Variants in MFAP4 observed in about 807,000 individuals in gnomAD.
The protein encoded by MFAP4 is microfibril associated protein 4.
In MFAP4, 20 loss-of-function variants were observed where a neutral mutation model predicts 32.4. The ratio of observed to expected loss-of-function variants is 0.62; its 90% CI spans 0.43 to 0.90. MFAP4 has a LOEUF of 0.90. MFAP4 is among the 40% of genes least tolerant of loss of function. The probability of loss-of-function intolerance (pLI) is 0.00; values close to 1 mark genes in which losing one functional copy is unlikely to be tolerated. For synonymous variants in MFAP4, 146 were observed against 137.4 expected, an observed-to-expected ratio of 1.06 and a Z score of -0.44; for missense variants, 267 against 329.5, an observed-to-expected ratio of 0.81 and a Z score of 1.47.
At chr17:19,386,972 T>TGGCTGGGCCCCCCCCCCCCC in intron 1 of MFAP4, 134 bp from the exon 2 acceptor site, 1 of 937,014 alleles carries the variant, frequency 1.1e-6, no homozygotes, top group Non-Finnish European at 1.7e-6. Flanking sequence ...TGGCCCCTCT[T>TGGCTGGGCCCCCCCCCCCCC]CCCTGCCCCC....
In MFAP4 at chr17:19,384,407, C is replaced by T; in HGVS notation, c.*55G>A. The T allele has an allele frequency of 1.3e-6, 2 of 1,535,166 alleles. No homozygotes were observed. Among genetic ancestry groups the T allele is most frequent in the Non-Finnish European group, 1.8e-6 (2 of 1,136,850 alleles). ...TGCATCAGGGGCAGCAGAGGGAGCA[C>T]TCATGGAGACCATGGGTGTCCAGGG... On this transcript the variant is annotated 3_prime_UTR_variant, in exon 6 of 6. Transcript: ENST00000299610.
At position 19,385,142 on chromosome 17, in the gene MFAP4, A is replaced by G. The variant is rs1567926213; in HGVS notation, c.477T>C (p.Asp159=). The G allele has an allele frequency of 1.2e-6, 2 of 1,614,242 alleles. No homozygotes were observed. The highest frequency in any genetic ancestry group is 3.3e-5 in the Admixed American group (2 of 60,036). Residue 159 remains aspartate, a synonymous_variant, in exon 5 of 6, where the codon GAT becomes GAC. Transcript: ENST00000299610. The stretch of plus-strand genomic sequence containing the variant: ...AGCCTGCCACAAAGAGGGTGTAGCC[A>G]TCCTCCTCTGCGCTGACCGCGTTCG... The part of the protein sequence containing the change: ...ISPNAVSAEE[D]GYTLFVAGFE...
intron 1 of MFAP4, 145 bp from the exon 2 acceptor site, chr17:19,386,983 C>CCCCCCCCCCCCCCCCCCAA: frequency 1.1e-6 from 1 of 889,774 alleles, no homozygotes; most frequent in Non-Finnish European, 1.8e-6. Flanking sequence ...CCCTGCCCCC[C>CCCCCCCCCCCCCCCCCCAA]CACCCCGCCC....
Position 19,386,832 on chromosome 17 carries a change from G to C in MFAP4, c.13C>G (p.Leu5Val). The change falls in exon 2 of 6, where the codon CTG becomes GTG. Residue 5 changes from leucine to valine, a missense_variant. Leu to Val is a conservative substitution (Grantham distance 32). Transcript: ENST00000299610. ...AGAAGCAGCAGCAGCGGCAGGGCCA[G>C]GAGTGCCTGGCGATGGGCAGACAGG... MKAL[L>V]ALPLLLLLST... The C allele has an allele frequency of 6.4e-7, 1 of 1,561,350 alleles. No individual in the cohort carries two copies. Among genetic ancestry groups the C allele is most frequent in the Non-Finnish European group, 8.7e-7 (1 of 1,152,956 alleles).
chr17:19,386,953 CCTG>C (rs1913061807), intron 1 of MFAP4, 115 bp from the exon 2 acceptor site: 1 of 1,424,730 alleles, frequency 7.0e-7, no homozygotes, highest in African/African-American at 1.4e-5. Context: ...GAATCCCTCT[CCTG>C]CTATTTGGCC....
intron 3 of MFAP4, 45 bp downstream of exon 3, chr17:19,386,265 T>C: frequency 6.7e-7 from 1 of 1,494,956 alleles, no homozygotes; most frequent in Non-Finnish European, 8.9e-7. Context: ...GTCACAGGGC[T>C]GGGATTAGAA....
chr17:19,386,224 G>T, intron 3 of MFAP4, 86 bp downstream of exon 3: 1 of 1,259,602 alleles, frequency 7.9e-7, no homozygotes, highest in Admixed American at 2.8e-5. Context: ...TAAAGATGAA[G>T]AAACTGAGGT....
rs549385911 is a variant in MFAP4 at position 19,386,572 on chromosome 17, A to G, written c.86-108T>C. On this transcript the variant is annotated intron_variant, in intron 2 of 5. Coordinates refer to ENST00000299610, the MANE Select transcript of MFAP4 (RefSeq NM_002404.3). ...CCCTGGGGCTGGGGGACTTTGACAC[A>G]AGGAGTCATGGAAGATTTCTTCAAG... 2.2e-6 allele frequency: 3 copies of G among 1,349,714 alleles called. No homozygotes were observed. In the South Asian group the frequency reaches 3.9e-5, roughly 18 times the overall value. The allele number at this position is 1,349,714 out of a possible 1,614,324, so 83.6% of individuals were successfully genotyped here. A position where few individuals can be genotyped will look rare whatever the true frequency, so the allele number is the denominator to read the frequency against.
intron 1 of MFAP4, 134 bp from the exon 2 acceptor site, chr17:19,386,972 T>TGCCGGGGGCCCCCCCCC: frequency 7.5e-6 from 7 of 937,002 alleles, no homozygotes; most frequent in Non-Finnish European, 1.2e-5. Flanking sequence ...TGGCCCCTCT[T>TGCCGGGGGCCCCCCCCC]CCCTGCCCCC....
At position 19,384,348 on chromosome 17, in the gene MFAP4, G is replaced by T; in HGVS notation, c.*114C>A. 7.7e-7 allele frequency: 1 copy of T among 1,300,200 alleles called. No individual in the cohort carries two copies. Among genetic ancestry groups the T allele is most frequent in the Non-Finnish European group, 1.0e-6 (1 of 956,864 alleles). 80.5% of individuals were successfully genotyped at this position (1,300,200 alleles called of 1,614,324 possible). On this transcript the variant is annotated 3_prime_UTR_variant, in exon 6 of 6. Coordinates refer to ENST00000299610, the MANE Select transcript of MFAP4 (RefSeq NM_002404.3). ...TGGCTGAGAGCCACAAGGCCCCCTTGTAAGGAGTTGGTGCTCGGGAATCAG... is the reference window on the plus strand; with the variant it reads ...TGGCTGAGAGCCACAAGGCCCCCTTTTAAGGAGTTGGTGCTCGGGAATCAG...
Position 19,386,752 on chromosome 17 carries a change from C to G in MFAP4, c.85+8G>C. 6.4e-7 allele frequency: 1 copy of G among 1,566,900 alleles called. No homozygotes were observed. Among genetic ancestry groups the G allele is most frequent in the Non-Finnish European group, 8.7e-7 (1 of 1,155,748 alleles). On this transcript the variant is annotated splice_region_variant and intron_variant, in intron 2 of 5. Transcript: ENST00000299610. ...CCAGGCCGCGTCTGTGAGTGTGGGG[C>G]TGCTTACCATCTCCTCGGATCCCGG...
rs1912982737 is a variant in MFAP4 at position 19,385,180 on chromosome 17, A to G, written c.439T>C (p.Phe147Leu). The G allele has an allele frequency of 6.2e-7, 1 of 1,614,168 alleles. No homozygotes were observed. The highest frequency in any genetic ancestry group is 1.3e-5 in the African/African-American group (1 of 74,966). The change falls in exon 5 of 6, where the codon TTC (phenylalanine) becomes CTC (leucine). Residue 147 changes from phenylalanine (F) to leucine (L), a missense_variant. Physicochemically the swap from Phe to Leu is conservative, Grantham distance 22. Transcript: ENST00000299610. The part of the protein sequence containing the change: ...NNTAYAKYAD[F>L]SISPNAVSAE... ...CTGACCGCGTTCGGGGAGATGGAGA[A>G]GTCAGCGTACTTGGCATAGGCCGTG...
chr17:19,385,992 G>A (rs1315083543), intron 3 of MFAP4, among the ~76,000 whole-genome samples: 1 of 152,198 alleles, frequency 6.6e-6, no homozygotes, highest in Non-Finnish European at 1.5e-5. Flanking sequence ...GGTGGCACAT[G>A]CCTGTAATCC....
rs1452703443 is a variant in MFAP4 at position 19,387,170 on chromosome 17, T to TG, written c.-16_-15insC. ...CGTACCTTCATGCTGTCAGTTCTGCTCAGAGTGGCTGGGTGTCTGCGGCCC... is the reference window on the plus strand; with the variant it reads ...CGTACCTTCATGCTGTCAGTTCTGCTGCAGAGTGGCTGGGTGTCTGCGGCCC... On this transcript the variant is annotated 5_prime_UTR_variant, in exon 1 of 6. Transcript: ENST00000299610. 2.3e-5 allele frequency: 36 copies of TG among 1,575,528 alleles called. No homozygotes were observed. Among genetic ancestry groups the TG allele is most frequent in the Non-Finnish European group, 2.9e-5 (33 of 1,147,208 alleles).
rs1177378998 is a variant in MFAP4 at position 19,385,277 on chromosome 17, CA to C, written c.341del (p.Leu114ArgfsTer7). On this transcript the variant is annotated frameshift_variant, in exon 5 of 6. Transcript: ENST00000299610. LOFTEE classifies it high-confidence loss of function. ...GRADGEYWLGLQNMHLLTLKQ... is the reference protein window; with the variant it reads ...GRADGEYWLGXQNMHLLTLKQ... ...TCAGTGTCAGGAGGTGCATGTTCTGCAGCCCTGGGGAGGAGGGGCAGCTGGT... is the reference window on the plus strand; with the variant it reads ...TCAGTGTCAGGAGGTGCATGTTCTGCGCCCTGGGGAGGAGGGGCAGCTGGT... 1 of 1,614,248 alleles carries C rather than the reference CA, an allele frequency of 6.2e-7. No individual in the cohort carries two copies. Among genetic ancestry groups the C allele is most frequent in the South Asian group, 1.1e-5 (1 of 91,090 alleles).
At chr17:19,385,593 TG>T in intron 3 of MFAP4, 139 bp from the exon 4 acceptor site, 1 of 468,050 alleles carries the variant, frequency 2.1e-6, no homozygotes. Flanking sequence ...GGGAGGGTGG[TG>T]GGAGTGGGGT....
At chr17:19,384,977 T>G in intron 5 of MFAP4, 122 bp downstream of exon 5, 1 of 1,307,534 alleles carries the variant, frequency 7.6e-7, no homozygotes. Context: ...GAGCCAGCTG[T>G]GGCCCTTCCA....
At chr17:19,385,544 A>T in intron 3 of MFAP4, 90 bp from the exon 4 acceptor site, 67 of 691,794 alleles carry the variant, frequency 9.7e-5, no homozygotes, top group East Asian at 1.9e-4. Flanking sequence ...GGACCCTGTG[A>T]TGCTGTGGCC....
intron 3 of MFAP4, among the ~76,000 whole-genome samples, 178 bp from the exon 4 acceptor site, chr17:19,385,632 A>AG (rs150359799): frequency 0.014 from 2,096 of 152,280 alleles, 35 homozygotes; most frequent in South Asian, 0.066. Context: ...CATTGGCACC[A>AG]GGCCCCCTGT....
Sources: gnomAD v4.1 joint callset for allele counts (sites outside exome capture counted in the v4.1 genomes callset) on GRCh38, gnomAD v4.1.1 for gene constraint, MANE v1.5 for transcripts, NCBI Gene and HGNC (gene_info 2026-07-23, HGNC 2026-07-21) for gene names.